The following CEP63 variants were observed in gnomAD, a reference collection of about 807,000 sequenced individuals.
The protein encoded by CEP63 is centrosomal protein of 63 kDa.
Under a neutral mutation model 89.1 loss-of-function variants are expected in CEP63, and 84 were observed. That is an observed-to-expected ratio of 0.94 (90% CI 0.79 to 1.13). The LOEUF (loss-of-function observed/expected upper bound fraction) is 1.13. Among genes scored for constraint, CEP63 ranks in the 50% most tolerant of loss-of-function variants. The pLI is 0.00. For synonymous variants in CEP63, 267 were observed against 272.5 expected, an observed-to-expected ratio of 0.98 and a Z score of 0.20; for missense variants, 838 against 813.3, an observed-to-expected ratio of 1.03 and a Z score of -0.37.
chr3:134,612,401 G>A, the CEP63 span, among the ~76,000 whole-genome samples: 4 of 152,210 alleles, frequency 2.6e-5, no homozygotes, highest in Non-Finnish European at 5.9e-5. Context: ...CATACCTGGA[G>A]TGCTCTCTCC....
the CEP63 span, among the ~76,000 whole-genome samples, chr3:134,756,102 A>C: frequency 2.0e-5 from 3 of 152,244 alleles, no homozygotes; most frequent in African/African-American, 4.8e-5. Context: ...CAGCCCGAGC[A>C]GGGCACTCTC....
the CEP63 span, among the ~76,000 whole-genome samples, chr3:134,767,952 A>G: frequency 6.6e-6 from 1 of 152,210 alleles, no homozygotes; most frequent in African/African-American, 2.4e-5. Flanking sequence ...TTGATCAGTC[A>G]AATAAAACTA....
At chr3:134,671,040 A>G in the CEP63 span, among the ~76,000 whole-genome samples, 2 of 152,232 alleles carry the variant, frequency 1.3e-5, no homozygotes, top group Non-Finnish European at 1.5e-5. Flanking sequence ...CCACAACTTC[A>G]GAATAGTGTT....
downstream of CEP63, among the ~76,000 whole-genome samples, chr3:134,566,252 G>C (rs1255728073): frequency 1.3e-5 from 2 of 152,052 alleles, no homozygotes; most frequent in African/African-American, 2.4e-5. Context: ...CTTACAAAAA[G>C]AACGTAAGGC....
the CEP63 span, among the ~76,000 whole-genome samples, chr3:134,708,106 G>T: frequency 1.3e-5 from 2 of 152,196 alleles, no homozygotes; most frequent in African/African-American, 4.8e-5. Context: ...TCCCTGGAGG[G>T]CTCAGGGCAG....
At chr3:134,583,874 T>A (rs893863370) in intron 10 of CEP63, among the ~76,000 whole-genome samples, 1 of 152,164 alleles carries the variant, frequency 6.6e-6, no homozygotes, top group African/African-American at 2.4e-5. Flanking sequence ...GGTTTGTAGT[T>A]CTCCTTGAAG....
chr3:134,565,426 A>G (rs965519634), downstream of CEP63, among the ~76,000 whole-genome samples: 2 of 152,196 alleles, frequency 1.3e-5, no homozygotes, highest in African/African-American at 4.8e-5. Context: ...TTTGCAAAAC[A>G]CTCGAGTCCA....
At chr3:134,505,672 T>C (rs1943274263) in intron 2 of CEP63, among the ~76,000 whole-genome samples, 1 of 152,136 alleles carries the variant, frequency 6.6e-6, no homozygotes, top group Non-Finnish European at 1.5e-5. Flanking sequence ...ATGATGTCCA[T>C]AGGTGCTGGC....
intron 3 of CEP63, among the ~76,000 whole-genome samples, chr3:134,514,348 C>G (rs1207633330): frequency 6.6e-6 from 1 of 151,856 alleles, no homozygotes; most frequent in Non-Finnish European, 1.5e-5. Context: ...ACAAGAAAGT[C>G]TAATATAAGT....
At chr3:134,668,216 G>A in the CEP63 span, among the ~76,000 whole-genome samples, 1 of 152,162 alleles carries the variant, frequency 6.6e-6, no homozygotes, top group Non-Finnish European at 1.5e-5. Flanking sequence ...GGTTGGTCTG[G>A]GGGCTACACT....
exon 11 of CEP63, among the ~76,000 whole-genome samples, chr3:134,587,466 C>G (rs536859405): frequency 6.6e-6 from 1 of 152,290 alleles, no homozygotes; most frequent in South Asian, 2.1e-4. Context: ...AGCTGCAGGT[C>G]TGTTGGAGTT....
the CEP63 span, among the ~76,000 whole-genome samples, chr3:134,715,620 A>G: frequency 1.3e-5 from 2 of 151,478 alleles, no homozygotes; most frequent in Non-Finnish European, 2.9e-5. Flanking sequence ...TATCAGTGCA[A>G]TCTCCTAAGA....
At chr3:134,643,469 G>A in the CEP63 span, 2 of 1,034,998 alleles carry the variant, frequency 1.9e-6, no homozygotes, top group Non-Finnish European at 1.5e-6. Flanking sequence ...GGGAAAGGTG[G>A]GCTGGCGGGG....
chr3:134,634,932 C>T, the CEP63 span, among the ~76,000 whole-genome samples: 1 of 152,174 alleles, frequency 6.6e-6, no homozygotes, highest in Non-Finnish European at 1.5e-5. Context: ...GAAATTGGAT[C>T]TCATATATTG....
chr3:134,529,852 A>G (rs1949494414), intron 3 of CEP63, among the ~76,000 whole-genome samples: 1 of 147,528 alleles, frequency 6.8e-6, no homozygotes, highest in South Asian at 2.1e-4. Context: ...AGTGTTTACC[A>G]AGTCAAGGTT....
At chr3:134,573,642 T>C (rs1453065098) in intron 11 of CEP63, among the ~76,000 whole-genome samples, 2 of 152,200 alleles carry the variant, frequency 1.3e-5, no homozygotes, top group East Asian at 1.9e-4. Context: ...CATGCTGTTT[T>C]GGTTACTGTA....
the CEP63 span, among the ~76,000 whole-genome samples, chr3:134,758,740 A>G: frequency 6.6e-6 from 1 of 152,066 alleles, no homozygotes; most frequent in Non-Finnish European, 1.5e-5. Flanking sequence ...TTCACTTCCT[A>G]TGAGAACTGC....
At chr3:134,577,519 C>G (rs572900084), downstream of CEP63, among the ~76,000 whole-genome samples, 2 of 148,676 alleles carry the variant, frequency 1.3e-5, no homozygotes, top group Non-Finnish European at 3.0e-5. Flanking sequence ...CTCTACCTCC[C>G]GAGTTCAAGC....
At chr3:134,688,613 G>A in the CEP63 span, among the ~76,000 whole-genome samples, 1 of 152,182 alleles carries the variant, frequency 6.6e-6, no homozygotes, top group Non-Finnish European at 1.5e-5. Flanking sequence ...CCCTGCTGTG[G>A]TGCCTTATTT....
Sources: gnomAD v4.1 joint callset for allele counts (sites outside exome capture counted in the v4.1 genomes callset) on GRCh38, gnomAD v4.1.1 for gene constraint, MANE v1.5 for transcripts, NCBI Gene and HGNC (gene_info 2026-07-23, HGNC 2026-07-21) for gene names.